MYO1B: variants seen among roughly 807,000 people sequenced by gnomAD.
MYO1B encodes the protein myosin IB.
In MYO1B, 72 loss-of-function variants were observed where a neutral mutation model predicts 159.7. That is an observed-to-expected ratio of 0.45 (90% CI 0.37 to 0.55). The LOEUF is 0.55. Among genes scored for constraint, MYO1B ranks in the 20% least tolerant of loss-of-function variants. The probability of loss-of-function intolerance (pLI) is 0.00; values close to 1 mark genes in which losing one functional copy is unlikely to be tolerated. For missense variants in MYO1B, 1,062 were observed against 1,364.8 expected, an observed-to-expected ratio of 0.78 and a Z score of 3.50; for synonymous variants, 468 against 473.8, an observed-to-expected ratio of 0.99 and a Z score of 0.16.
chr2:191,400,719 T>G (rs1228355075), intron 22 of MYO1B, 30 bp from the exon 23 acceptor site: 1 of 1,611,350 alleles, frequency 6.2e-7, no homozygotes, highest in African/African-American at 1.3e-5. Flanking sequence ...CCTTAAACTT[T>G]TCTGTAACTC....
intron 3 of MYO1B, among the ~76,000 whole-genome samples, chr2:191,305,031 A>G (rs542951486): frequency 6.6e-6 from 1 of 152,350 alleles, no homozygotes; most frequent in East Asian, 1.9e-4. Context: ...GTTCTGCAAC[A>G]TCCTGGAAAA....
intron 27 of MYO1B, among the ~76,000 whole-genome samples, chr2:191,413,646 A>G (rs370841393): frequency 6.6e-6 from 1 of 152,204 alleles, no homozygotes; most frequent in Non-Finnish European, 1.5e-5. Context: ...TTTCACTGCC[A>G]CATATTGTTT....
intron 7 of MYO1B, among the ~76,000 whole-genome samples, chr2:191,356,337 C>CTTTTT (rs79525897): frequency 7.9e-4 from 84 of 106,078 alleles, no homozygotes; most frequent in Non-Finnish European, 9.9e-4. Context: ...GGCTGGGCTT[C>CTTTTT]TTTTTTTTTT....
At chr2:191,272,065 G>A (rs919220562) in intron 1 of MYO1B, among the ~76,000 whole-genome samples, 34 of 152,104 alleles carry the variant, frequency 2.2e-4, no homozygotes, top group African/African-American at 7.7e-4. Flanking sequence ...TATTTTAAAC[G>A]GTATTTTAAC....
intron 4 of MYO1B, among the ~76,000 whole-genome samples, chr2:191,340,603 C>A (rs1353347277): frequency 2.0e-5 from 3 of 152,194 alleles, no homozygotes; most frequent in Non-Finnish European, 4.4e-5. Flanking sequence ...CCTATTAAGA[C>A]TACCATGTCT....
Position 191,387,242 on chromosome 2 carries a change from G to A in MYO1B, c.1573G>A (p.Gly525Arg), listed in dbSNP as rs371233201. Residue 525 changes from glycine to arginine, a missense_variant, in exon 17 of 31, where the codon GGA becomes AGA. Gly to Arg is a moderately radical substitution (Grantham distance 125). Around this residue, in one of 5 missense-constraint regions of MYO1B, gnomAD observed 609 missense variants for 744.4 expected, o/e 0.82. Transcript: ENST00000392318. ...CTTATAGGTGCTGTACCAGGTGGAAGGATTCGTTGACAAAAACAATGACCT... is the reference window on the plus strand; with the variant it reads ...CTTATAGGTGCTGTACCAGGTGGAAAGATTCGTTGACAAAAACAATGACCT... The part of the protein sequence containing the change: ...YAGKVLYQVE[G>R]FVDKNNDLLY... 23 of 1,613,930 alleles carry A rather than the reference G, an allele frequency of 1.4e-5. No individual in the cohort carries two copies. Among genetic ancestry groups the A allele is most frequent in the Non-Finnish European group, 1.2e-5 (14 of 1,179,948 alleles).
chr2:191,287,518 G>A (rs1688448231), intron 2 of MYO1B, among the ~76,000 whole-genome samples: 1 of 150,754 alleles, frequency 6.6e-6, no homozygotes, highest in Non-Finnish European at 1.5e-5. Flanking sequence ...CAACAAGAGT[G>A]AAACTCCGTC....
chr2:191,414,243 T>C, intron 28 of MYO1B, 63 bp downstream of exon 28: 2 of 1,539,890 alleles, frequency 1.3e-6, no homozygotes, highest in South Asian at 1.3e-5. Flanking sequence ...TCACCCTGTT[T>C]TCTGAATGTA....
chr2:191,424,100 A>G lies in MYO1B; in HGVS notation c.*140A>G. The G allele has an allele frequency of 1.0e-6, 1 of 956,924 alleles. No homozygotes were observed. Among genetic ancestry groups the G allele is most frequent in the Middle Eastern group, 2.2e-4 (1 of 4,510 alleles). 59.3% of individuals were successfully genotyped at this position (956,924 alleles called of 1,614,324 possible). A position where few individuals can be genotyped will look rare whatever the true frequency, so the allele number is the denominator to read the frequency against. ...TTGGCAAAATAAAAATATTTGACTA[A>G]TCAATTTTTATTATTGGAATAGTTT... On this transcript the variant is annotated 3_prime_UTR_variant, in exon 31 of 31. Transcript: ENST00000392318.
At chr2:191,357,290 G>A (rs1180614472) in intron 7 of MYO1B, among the ~76,000 whole-genome samples, 1 of 152,116 alleles carries the variant, frequency 6.6e-6, no homozygotes, top group Non-Finnish European at 1.5e-5. Context: ...GCACTTATAC[G>A]TGTTGTGGAC....
chr2:191,290,328 CA>C (rs1351993217), intron 2 of MYO1B, among the ~76,000 whole-genome samples: 2 of 152,154 alleles, frequency 1.3e-5, no homozygotes. Flanking sequence ...ATGCAGACTT[CA>C]ATGTGCATGT....
At chr2:191,281,272 G>A (rs1459132594) in intron 2 of MYO1B, among the ~76,000 whole-genome samples, 4 of 152,162 alleles carry the variant, frequency 2.6e-5, no homozygotes. Flanking sequence ...CGTGGTCTTC[G>A]CAGTTAGGGC....
chr2:191,402,516 C>A, intron 23 of MYO1B, 116 bp from the exon 24 acceptor site: 1 of 855,384 alleles, frequency 1.2e-6, no homozygotes, highest in South Asian at 1.5e-5. Flanking sequence ...GTTCCTCTGT[C>A]ATTCTGAAAT....
intron 7 of MYO1B, among the ~76,000 whole-genome samples, chr2:191,357,531 A>T (rs991749538): frequency 2.0e-5 from 3 of 152,150 alleles, no homozygotes; most frequent in Non-Finnish European, 4.4e-5. Context: ...TGTGAGGAGG[A>T]TGTAGCTGCA....
chr2:191,282,731 C>G (rs1688138385), intron 2 of MYO1B, among the ~76,000 whole-genome samples: 1 of 152,084 alleles, frequency 6.6e-6, no homozygotes, highest in Non-Finnish European at 1.5e-5. Context: ...AGACCTTTAC[C>G]CAGGTAATCC....
intron 3 of MYO1B, among the ~76,000 whole-genome samples, chr2:191,302,537 C>T (rs1186230350): frequency 6.6e-6 from 1 of 152,052 alleles, no homozygotes; most frequent in African/African-American, 2.4e-5. Context: ...TGCTCTTCAA[C>T]TCTTAAGTAT....
At chr2:191,307,805 C>A (rs766944643) in intron 3 of MYO1B, among the ~76,000 whole-genome samples, 3 of 152,114 alleles carry the variant, frequency 2.0e-5, no homozygotes, top group Admixed American at 1.3e-4. Flanking sequence ...CAGGATGATA[C>A]GTTTTTTAAC....
intron 3 of MYO1B, among the ~76,000 whole-genome samples, chr2:191,315,691 G>A (rs553291398): frequency 4.9e-4 from 74 of 152,318 alleles, no homozygotes; most frequent in African/African-American, 1.7e-3. Context: ...ACTATGTGAA[G>A]GGTGTCATCA....
At position 191,402,725 on chromosome 2, in the gene MYO1B, C is replaced by T; in HGVS notation, c.2556+7C>T. ...TTACTGGCTTGGACTGAAGGTACTTCCTCAACCACTTGTTTCTGTCCAGGG... is the reference window on the plus strand; with the variant it reads ...TTACTGGCTTGGACTGAAGGTACTTTCTCAACCACTTGTTTCTGTCCAGGG... On this transcript the variant is annotated splice_region_variant and intron_variant, in intron 24 of 30. Coordinates refer to ENST00000392318, the MANE Select transcript of MYO1B (RefSeq NM_001130158.3). 1.2e-6 allele frequency: 2 copies of T among 1,607,942 alleles called. No individual in the cohort carries two copies. Among genetic ancestry groups the T allele is most frequent in the Non-Finnish European group, 1.7e-6 (2 of 1,177,166 alleles).
Sources: allele counts gnomAD v4.1 joint callset (sites outside exome capture counted in the v4.1 genomes callset), GRCh38; gene constraint gnomAD v4.1.1; regional missense constraint gnomAD v4.1.1; transcripts MANE v1.5; gene names NCBI Gene and HGNC (gene_info 2026-07-23, HGNC 2026-07-21).